The following CADM2 variants were observed in gnomAD, a reference collection of about 807,000 sequenced individuals.
CADM2 encodes immunoglobulin superfamily member 4D.
CADM2 carries 12 observed loss-of-function variants against 49.8 expected under a neutral mutation model. That is an observed-to-expected ratio of 0.24 (90% CI 0.15 to 0.39). The LOEUF (loss-of-function observed/expected upper bound fraction) is 0.39, where lower values mean the gene tolerates loss of function less well. Among genes scored for constraint, CADM2 ranks in the 10% least tolerant of loss-of-function variants. CADM2 has a pLI of 1.00. For missense variants in CADM2, 378 were observed against 492.3 expected (o/e 0.77, Z 2.20); for synonymous variants, 214 against 175.4 (o/e 1.22, Z -1.74).
intron 1 of CADM2, among the ~76,000 whole-genome samples, chr3:84,980,556 A>C (rs1282096065): frequency 2.6e-5 from 4 of 152,162 alleles, no homozygotes; most frequent in African/African-American, 9.7e-5. Context: ...CTGGCAAGAT[A>C]ATAATAAGAA....
chr3:85,991,912 A>G (rs2108706117), intron 8 of CADM2, among the ~76,000 whole-genome samples: 1 of 152,182 alleles, frequency 6.6e-6, no homozygotes, highest in South Asian at 2.1e-4. Flanking sequence ...GACTTAAAAC[A>G]ATCATTACTA....
intron 1 of CADM2, among the ~76,000 whole-genome samples, chr3:85,634,169 G>T (rs1396375679): frequency 3.3e-5 from 5 of 151,962 alleles, no homozygotes; most frequent in African/African-American, 4.8e-5. Flanking sequence ...GTAAAATGAA[G>T]TAACTAGGTA....
intron 1 of CADM2, among the ~76,000 whole-genome samples, chr3:85,535,630 A>G (rs2061407580): frequency 6.6e-6 from 1 of 152,132 alleles, no homozygotes; most frequent in African/African-American, 2.4e-5. Context: ...GGGGAATGAT[A>G]AGGATAATTA....
chr3:85,442,129 A>G (rs936186025), intron 1 of CADM2, among the ~76,000 whole-genome samples: 1 of 152,082 alleles, frequency 6.6e-6, no homozygotes, highest in African/African-American at 2.4e-5. Context: ...GATACTGCAA[A>G]GAAGTTTTTA....
At chr3:85,839,353 C>T (rs1189504359) in intron 3 of CADM2, among the ~76,000 whole-genome samples, 1 of 151,640 alleles carries the variant, frequency 6.6e-6, no homozygotes, top group Non-Finnish European at 1.5e-5. Flanking sequence ...TTTTATATCC[C>T]CTTGTCCATT....
At chr3:85,211,255 C>T (rs1183909857) in intron 1 of CADM2, among the ~76,000 whole-genome samples, 1 of 151,926 alleles carries the variant, frequency 6.6e-6, no homozygotes, top group Non-Finnish European at 1.5e-5. Context: ...TTTTGATTTG[C>T]TGATATTTTG....
intron 1 of CADM2, among the ~76,000 whole-genome samples, chr3:85,176,912 T>C (rs938534574): frequency 3.3e-5 from 5 of 152,164 alleles, no homozygotes; most frequent in African/African-American, 1.2e-4. Flanking sequence ...ATAAGTGTGA[T>C]AAATGTGTTT....
Position 85,530,321 on chromosome 3 carries a change from C to CTTTT in CADM2, c.62-196201_62-196200insTTTT, listed in dbSNP as rs2061270952. On this transcript the variant is annotated intron_variant, in intron 1 of 9. Transcript: ENST00000383699. ...GTGAGTCAGTTAGACTTCTTTTCTC[C>CTTTT]GTTTTTTTTTTTTTTTTTTTTTTTT... Among the ~76,000 whole-genome samples the CTTTT allele has an allele frequency of 2.1e-4, 25 of 119,058 alleles. 1 individual carries two copies. Among genetic ancestry groups the CTTTT allele is most frequent in the South Asian group, 1.3e-3 (5 of 3,848 alleles). The allele number at this position is 119,058 out of a possible 152,430, so 78.1% of individuals were successfully genotyped here.
intron 3 of CADM2, among the ~76,000 whole-genome samples, chr3:85,843,280 C>T (rs2074720219): frequency 6.6e-6 from 1 of 152,012 alleles, no homozygotes. Context: ...ACTTTAAGTG[C>T]ATGGGAATCA....
rs2030230579 is a variant in CADM2 at position 84,959,509 on chromosome 3, C to A, written c.-99C>A. 1.7e-6 allele frequency: 2 copies of A among 1,209,528 alleles called. No homozygotes were observed. Among genetic ancestry groups the A allele is most frequent in the South Asian group, 2.7e-5 (2 of 73,096 alleles). 74.9% of individuals were successfully genotyped at this position (1,209,528 alleles called of 1,614,324 possible). On this transcript the variant is annotated 5_prime_UTR_variant, in exon 1 of 10. Coordinates refer to ENST00000383699, the MANE Select transcript of CADM2 (RefSeq NM_001167675.2). ...GTGGGGACGGTGGGTCCGGCGGGCGCCGGGAGGAGGACACCAGCGGAGCCC... is the reference window on the plus strand; with the variant it reads ...GTGGGGACGGTGGGTCCGGCGGGCGACGGGAGGAGGACACCAGCGGAGCCC...
At chr3:85,589,496 C>T (rs1002400765) in intron 1 of CADM2, among the ~76,000 whole-genome samples, 2 of 151,968 alleles carry the variant, frequency 1.3e-5, no homozygotes, top group Non-Finnish European at 2.9e-5. Flanking sequence ...ATTGTTCTGT[C>T]ATAGGTACCA....
At chr3:85,696,117 G>GT (rs909803197) in intron 1 of CADM2, among the ~76,000 whole-genome samples, 5 of 151,748 alleles carry the variant, frequency 3.3e-5, no homozygotes, top group Admixed American at 1.3e-4. Context: ...GAATTATTTG[G>GT]TTTTTTCTCA....
intron 1 of CADM2, among the ~76,000 whole-genome samples, chr3:85,448,475 C>T (rs1576574857): frequency 6.6e-6 from 1 of 151,816 alleles, no homozygotes; most frequent in Admixed American, 6.6e-5. Context: ...CTTCATGATT[C>T]TAAACAAATA....
chr3:85,824,762 G>A (rs1396292063), intron 3 of CADM2, among the ~76,000 whole-genome samples: 3 of 152,028 alleles, frequency 2.0e-5, no homozygotes, highest in Admixed American at 6.6e-5. Context: ...TATCCTGTAT[G>A]GAGCAAGGTC....
Position 85,216,367 on chromosome 3 carries a change from T to C in CADM2, c.61+256699T>C, listed in dbSNP as rs151315001. ...ATATTATTATATTAATAGTAATATA[T>C]TTAATATTAATGTACACTTATATTA... On this transcript the variant is annotated intron_variant, in intron 1 of 9. Coordinates refer to ENST00000383699, the MANE Select transcript of CADM2 (RefSeq NM_001167675.2). Among the ~76,000 whole-genome samples the C allele has an allele frequency of 7.0e-4, 103 of 147,566 alleles. 1 individual carries two copies. Among genetic ancestry groups the C allele is most frequent in the African/African-American group, 2.4e-3 (97 of 40,562 alleles).
At chr3:85,443,535 C>T (rs2107548485) in intron 1 of CADM2, among the ~76,000 whole-genome samples, 1 of 152,282 alleles carries the variant, frequency 6.6e-6, no homozygotes, top group Middle Eastern at 3.4e-3. Context: ...CACTGCTTCA[C>T]TATTTTGCTT....
chr3:86,037,509 G>A (rs749015240), intron 8 of CADM2, among the ~76,000 whole-genome samples: 10 of 152,024 alleles, frequency 6.6e-5, no homozygotes, highest in Non-Finnish European at 1.5e-4. Flanking sequence ...ACATTTTCTT[G>A]GGAAAAAGTA....
chr3:85,373,106 G>A lies in CADM2; in HGVS notation c.62-353416G>A, dbSNP rs6810251. Among the ~76,000 whole-genome samples the A allele has an allele frequency of 4.1e-3, 618 of 152,162 alleles. 4 individuals carry two copies. Among genetic ancestry groups the A allele is most frequent in the African/African-American group, 0.013 (530 of 41,514 alleles). ...TACCCCAAAGTCTCGACTCATTTCA[G>A]CATTAACTCAAAAGTCCACAGCCCA... On this transcript the variant is annotated intron_variant, in intron 1 of 9. Coordinates refer to ENST00000383699, the MANE Select transcript of CADM2 (RefSeq NM_001167675.2).
intron 1 of CADM2, among the ~76,000 whole-genome samples, chr3:84,996,173 G>A (rs555201436): frequency 3.9e-5 from 6 of 152,166 alleles, no homozygotes; most frequent in African/African-American, 1.2e-4. Flanking sequence ...ATTTTTTAAA[G>A]TATTGAAAAT....
Sources: allele counts gnomAD v4.1 joint callset (sites outside exome capture counted in the v4.1 genomes callset), GRCh38; gene constraint gnomAD v4.1.1; transcripts MANE v1.5; gene names NCBI Gene and HGNC (gene_info 2026-07-23, HGNC 2026-07-21).